DGKK: variants seen among roughly 807,000 people sequenced by gnomAD.
DGKK encodes the protein 142 kDa diacylglycerol kinase.
In DGKK, 35 loss-of-function variants were observed where a neutral mutation model predicts 92.2. The observed-to-expected ratio is 0.38, with a 90% CI of 0.29 to 0.50. The LOEUF is 0.50. Ranked by LOEUF, DGKK falls within the 20% of genes least tolerant of loss-of-function variation. DGKK has a pLI of 0.92. For missense variants in DGKK, 910 were observed against 992.2 expected (o/e 0.92, Z 1.11); for synonymous variants, 368 against 360.6 (o/e 1.02, Z -0.23).
chrX:50,447,334 ATATATATATTATATATATAT>A (rs1926342597), intron 1 of DGKK, among the ~76,000 whole-genome samples: 1 of 24,161 alleles, frequency 4.1e-5, no homozygotes, highest in South Asian at 1.5e-3. Context: ...ATGTATATAT[ATATATATATTATATATATAT>A]ATAATATATA....
At chrX:50,433,036 G>A (rs1925927774) in intron 1 of DGKK, among the ~76,000 whole-genome samples, 1 of 111,825 alleles carries the variant, frequency 8.9e-6, no homozygotes, top group African/African-American at 3.3e-5. Context: ...CAGGAAGGAG[G>A]AAGAGCTCTG....
chrX:50,429,692 C>G (rs1925838462), intron 1 of DGKK, among the ~76,000 whole-genome samples: 2 of 112,410 alleles, frequency 1.8e-5, no homozygotes, highest in Admixed American at 1.9e-4. Context: ...CCGTCACACA[C>G]ACAAAAAAGT....
chrX:50,436,788 T>A (rs1488717051), intron 1 of DGKK, among the ~76,000 whole-genome samples: 2 of 110,344 alleles, frequency 1.8e-5, no homozygotes, highest in African/African-American at 3.3e-5. Context: ...GGTCATTAAG[T>A]AGTAAACTTG....
At chrX:50,404,306 G>C (rs1557227009) in intron 4 of DGKK, 122 bp from the exon 5 acceptor site, 1 of 781,408 alleles carries the variant, frequency 1.3e-6, no homozygotes, top group African/African-American at 2.2e-5. Flanking sequence ...GCGTGTGAAG[G>C]GGAAGACTGA....
rs1557224715 is a variant in DGKK, at chrX:50,384,235, A to T, written c.2482T>A (p.Ser828Thr). 1 of 1,179,456 alleles carries T rather than the reference A, an allele frequency of 8.5e-7. No homozygotes were observed. The highest frequency in any genetic ancestry group is 1.8e-5 in the African/African-American group (1 of 56,534). Reference sequence around the variant, plus strand: ...TCCAGGTCCTCACTTTTGAGAGAAGATATAGAAGACAAAGTGCCACGACGA... The same window carrying T: ...TCCAGGTCCTCACTTTTGAGAGAAGTTATAGAAGACAAAGTGCCACGACGA... ...RSRRGTLSSI[S>T]SLKSEDLDNL... The change falls in exon 17 of 28, where the codon TCT becomes ACT. Residue 828 changes from serine to threonine, a missense_variant. Coordinates refer to ENST00000611977, the MANE Select transcript of DGKK (RefSeq NM_001013742.4).
At chrX:50,458,962 C>T (rs191216122) in intron 1 of DGKK, among the ~76,000 whole-genome samples, 1 of 111,403 alleles carries the variant, frequency 9.0e-6, no homozygotes, top group Admixed American at 9.6e-5. Context: ...ATATATTGTT[C>T]CTACGTTCCT....
At chrX:50,371,676 G>T in intron 26 of DGKK, 48 bp downstream of exon 26, 1 of 970,434 alleles carries the variant, frequency 1.0e-6, no homozygotes, top group Non-Finnish European at 1.4e-6. Flanking sequence ...AAGGCACTAA[G>T]GAAGAATCCC....
intron 17 of DGKK, among the ~76,000 whole-genome samples, chrX:50,383,712 AAGAGG>A (rs1924466625): frequency 9.0e-6 from 1 of 111,717 alleles, no homozygotes; most frequent in Non-Finnish European, 1.9e-5. Flanking sequence ...CGATATTCTA[AAGAGG>A]GAGAACTGGT....
intron 18 of DGKK, 120 bp downstream of exon 18, chrX:50,382,376 T>G: frequency 3.7e-6 from 2 of 538,536 alleles, no homozygotes; most frequent in Non-Finnish European, 5.7e-6. Context: ...GGCCAATGCA[T>G]TTTACTTCCA....
intron 1 of DGKK, among the ~76,000 whole-genome samples, chrX:50,434,283 C>T (rs1925962864): frequency 8.9e-6 from 1 of 112,152 alleles, no homozygotes. Context: ...TGGCAAATGC[C>T]TGCTATTTGC....
Position 50,368,867 on chromosome X carries a change from T to C in DGKK, c.*73A>G. On this transcript the variant is annotated 3_prime_UTR_variant, in exon 28 of 28. Coordinates refer to ENST00000611977, the MANE Select transcript of DGKK (RefSeq NM_001013742.4). ...ATGTTTGTTCTGAAATGATTTAGTC[T>C]AGCCTGTATTGAGGTTTTGAGAGTT... The C allele has an allele frequency of 2.3e-6, 2 of 878,185 alleles. No individual in the cohort carries two copies. The highest frequency in any genetic ancestry group is 3.3e-6 in the Non-Finnish European group (2 of 611,603). 72.4% of individuals were successfully genotyped at this position (878,185 alleles called of 1,213,427 possible).
At chrX:50,433,633 C>T (rs1429134245) in intron 1 of DGKK, among the ~76,000 whole-genome samples, 1 of 111,397 alleles carries the variant, frequency 9.0e-6, no homozygotes, top group Non-Finnish European at 1.9e-5. Flanking sequence ...TATGATAAAC[C>T]TTCCTGCAGA....
rs1170156492 is a variant in DGKK at position 50,380,072 on chromosome X, C to T, written c.2663G>A (p.Arg888His). The change falls in exon 19 of 28, where the codon CGC (arginine) becomes CAC (histidine). Residue 888 changes from arginine (R) to histidine (H), a missense_variant. Coordinates refer to ENST00000611977, the MANE Select transcript of DGKK (RefSeq NM_001013742.4). ...GCCATACCACATCTTGTTCTTAAGGCGGCTACTACATGGAGGTAAGCATTA... is the reference window on the plus strand; with the variant it reads ...GCCATACCACATCTTGTTCTTAAGGTGGCTACTACATGGAGGTAAGCATTA... ...RDEHPGQYNS[R>H]LKNKMWYGLL... The T allele has an allele frequency of 5.8e-6, 7 of 1,204,995 alleles. No homozygotes were observed. Among genetic ancestry groups the T allele is most frequent in the South Asian group, 3.5e-5 (2 of 56,724 alleles).
intron 4 of DGKK, among the ~76,000 whole-genome samples, 197 bp downstream of exon 4, chrX:50,420,206 C>T (rs918634515): frequency 1.8e-5 from 2 of 111,737 alleles, no homozygotes; most frequent in Non-Finnish European, 3.8e-5. Context: ...GTATCTGCAC[C>T]ACATACTCAC....
intron 1 of DGKK, among the ~76,000 whole-genome samples, chrX:50,454,912 T>C (rs1306456863): frequency 8.9e-6 from 1 of 112,213 alleles, no homozygotes; most frequent in Non-Finnish European, 1.9e-5. Context: ...TCTTTTATAA[T>C]TCTACAGCAT....
intron 1 of DGKK, among the ~76,000 whole-genome samples, chrX:50,445,081 G>A (rs1926258729): frequency 1.0e-5 from 1 of 97,340 alleles, no homozygotes; most frequent in Non-Finnish European, 2.1e-5. Context: ...TAGGTTGCGT[G>A]TATGTCTTTT....
intron 1 of DGKK, among the ~76,000 whole-genome samples, chrX:50,427,576 G>A (rs1372217718): frequency 3.8e-5 from 3 of 78,070 alleles, no homozygotes; most frequent in Non-Finnish European, 6.7e-5. Flanking sequence ...AATGCAAGAC[G>A]TTAATAATAA....
chrX:50,414,511 CAT>C (rs1173817523), intron 4 of DGKK, among the ~76,000 whole-genome samples: 2 of 110,868 alleles, frequency 1.8e-5, no homozygotes, highest in Non-Finnish European at 3.8e-5. Flanking sequence ...AAAAATGAAA[CAT>C]AAATAAATAG....
At chrX:50,431,276 C>T (rs1557230276) in intron 1 of DGKK, among the ~76,000 whole-genome samples, 1 of 111,260 alleles carries the variant, frequency 9.0e-6, no homozygotes, top group African/African-American at 3.3e-5. Context: ...GCAATCCTCC[C>T]ACCTCTGTAA....
Sources: gnomAD v4.1 joint callset for allele counts (sites outside exome capture counted in the v4.1 genomes callset) on GRCh38, gnomAD v4.1.1 for gene constraint, MANE v1.5 for transcripts, NCBI Gene and HGNC (gene_info 2026-07-23, HGNC 2026-07-21) for gene names.